SLC7A14: variants seen among roughly 807,000 people sequenced by gnomAD.
SLC7A14 encodes the protein solute carrier family 7 member 14.
A neutral mutation model predicts 60.2 loss-of-function variants in SLC7A14; 37 were observed. That is an observed-to-expected ratio of 0.61 (90% CI 0.47 to 0.81). The LOEUF (loss-of-function observed/expected upper bound fraction) is 0.81, where lower values mean the gene tolerates loss of function less well. Ranked by LOEUF, SLC7A14 falls within the 30% of genes least tolerant of loss-of-function variation. SLC7A14 has a pLI of 0.00. For missense variants in SLC7A14, 886 were observed against 982.7 expected, an observed-to-expected ratio of 0.90 and a Z score of 1.32; for synonymous variants, 399 against 395.8, an observed-to-expected ratio of 1.01 and a Z score of -0.10.
chr3:170,563,907 A>C (rs1714727640), intron 1 of SLC7A14, among the ~76,000 whole-genome samples: 1 of 152,208 alleles, frequency 6.6e-6, no homozygotes, highest in Admixed American at 6.5e-5. Flanking sequence ...CTGTGAACAC[A>C]CTACTGATAG....
chr3:170,473,828 T>C (rs1369967608), intron 7 of SLC7A14, among the ~76,000 whole-genome samples: 1 of 152,228 alleles, frequency 6.6e-6, no homozygotes, highest in Non-Finnish European at 1.5e-5. Context: ...GCTGATCTAA[T>C]GGGAAGTCAT....
Position 170,501,107 on chromosome 3 carries a change from A to G in SLC7A14, c.541+2T>C. The G allele has an allele frequency of 6.2e-7, 1 of 1,614,106 alleles. No individual in the cohort carries two copies. Among genetic ancestry groups the G allele is most frequent in the East Asian group, 2.2e-5 (1 of 44,890 alleles). On this transcript the variant is annotated splice_donor_variant, in intron 3 of 7. Coordinates refer to ENST00000231706, the MANE Select transcript of SLC7A14 (RefSeq NM_020949.3). LOFTEE classifies it high-confidence loss of function. The stretch of plus-strand genomic sequence containing the variant: ...GAGGGTAGGAGGATGTGGCAGTCTC[A>G]CCCAGGCCATTGAGGGTTCCCACGC...
intron 7 of SLC7A14, among the ~76,000 whole-genome samples, chr3:170,475,970 C>T (rs1313545414): frequency 6.6e-6 from 1 of 152,176 alleles, no homozygotes; most frequent in Non-Finnish European, 1.5e-5. Context: ...ACCTTGGCCT[C>T]CCAAAGTGCT....
chr3:170,540,418 G>A (rs1713987271), intron 1 of SLC7A14, among the ~76,000 whole-genome samples: 1 of 151,742 alleles, frequency 6.6e-6, no homozygotes, highest in Non-Finnish European at 1.5e-5. Flanking sequence ...CATAGAGGAT[G>A]CAACATAAAA....
rs553438612 is a variant in SLC7A14 at position 170,486,315 on chromosome 3, G to A, written c.813C>T (p.Ile271=). 4.0e-5 allele frequency: 64 copies of A among 1,614,214 alleles called. 1 individual carries two copies. Among genetic ancestry groups the A allele is most frequent in the South Asian group, 3.5e-4 (32 of 91,080 alleles). ...TCTTGGCTTCCTCTCCAGTGGTGGC[G>A]ATGATGTCAAAGCCAATGAAAGCGT... ...CFYAFIGFDI[I]ATTGEEAKNP... Residue 271 remains isoleucine, a synonymous_variant, in exon 5 of 8, where the codon ATC becomes ATT. Transcript: ENST00000231706.
chr3:170,536,015 G>T (rs970629746), intron 1 of SLC7A14, among the ~76,000 whole-genome samples: 1 of 152,148 alleles, frequency 6.6e-6, no homozygotes, highest in South Asian at 2.1e-4. Context: ...AACAATACCC[G>T]CTGTGTCTAC....
intron 1 of SLC7A14, 97 bp from the exon 2 acceptor site, chr3:170,527,185 A>C: frequency 1.8e-6 from 1 of 543,068 alleles, no homozygotes. Flanking sequence ...GAACTGGTAG[A>C]ACTGGTCTAC....
At chr3:170,540,518 C>T (rs563928831) in intron 1 of SLC7A14, among the ~76,000 whole-genome samples, 3 of 151,620 alleles carry the variant, frequency 2.0e-5, no homozygotes, top group Non-Finnish European at 4.4e-5. Flanking sequence ...GAATTTAAAA[C>T]GTTTTTGGAA....
chr3:170,483,058 G>A (rs530172339), intron 6 of SLC7A14, among the ~76,000 whole-genome samples: 9 of 152,210 alleles, frequency 5.9e-5, no homozygotes, highest in Admixed American at 1.3e-4. Context: ...AAAGGAGCAC[G>A]CAATGTCGAC....
rs1739639024 is a variant in SLC7A14, at chr3:170,463,002, T to C, written c.*4053A>G. 6.6e-6 allele frequency: 1 copy of C among 152,196 alleles called. No homozygotes were observed. The highest frequency in any genetic ancestry group is 2.4e-5 in the African/African-American group (1 of 41,448). The allele number at this position is 152,196 out of a possible 1,614,324, so 9.4% of individuals were successfully genotyped here. ...AGTGTATATGTGGCTTGTTAGTTCC[T>C]TGCATAGGTAAGGAAGCCACCGTCT... On this transcript the variant is annotated 3_prime_UTR_variant, in exon 8 of 8. Transcript: ENST00000231706.
chr3:170,508,965 C>A (rs1712875020), intron 2 of SLC7A14, among the ~76,000 whole-genome samples: 2 of 152,210 alleles, frequency 1.3e-5, no homozygotes, highest in South Asian at 4.1e-4. Flanking sequence ...TCCTGAGAAA[C>A]ATCTATCCAG....
At chr3:170,468,202 C>A (rs1270933945) in intron 7 of SLC7A14, among the ~76,000 whole-genome samples, 2 of 152,138 alleles carry the variant, frequency 1.3e-5, no homozygotes, top group South Asian at 2.1e-4. Context: ...AAACTTGCCC[C>A]CCTCGTTAAT....
rs1560272810 is a variant in SLC7A14, at chr3:170,535,183, G to T, written c.-152-8095C>A. Among the ~76,000 whole-genome samples, 2 of 151,842 alleles carry T rather than the reference G, an allele frequency of 1.3e-5. No individual in the cohort carries two copies. Among genetic ancestry groups the T allele is most frequent in the South Asian group, 2.1e-4 (1 of 4,806 alleles). On this transcript the variant is annotated intron_variant, in intron 1 of 7. Coordinates refer to ENST00000231706, the MANE Select transcript of SLC7A14 (RefSeq NM_020949.3). The surrounding 1 kb of genome is among the most constrained non-coding windows in gnomAD (Gnocchi z 4.3). ...TTCCACTCTTCTCCCGCAGATCAGG[G>T]TCTCCCAGGTTAGGGTCTCAGGTCT...
chr3:170,547,956 A>G (rs1367388669), intron 1 of SLC7A14, among the ~76,000 whole-genome samples: 1 of 152,174 alleles, frequency 6.6e-6, no homozygotes, highest in Non-Finnish European at 1.5e-5. Context: ...CCTTAGGCTA[A>G]GCTCCTTGGA....
intron 3 of SLC7A14, 114 bp downstream of exon 3, chr3:170,500,991 AAGAG>A (rs965274301): frequency 2.3e-6 from 2 of 860,754 alleles, no homozygotes; most frequent in Non-Finnish European, 3.8e-6. Flanking sequence ...GCAAAAGAAA[AAGAG>A]AGATATATTT....
chr3:170,488,614 T>C (rs913024274), intron 4 of SLC7A14, among the ~76,000 whole-genome samples: 1 of 152,218 alleles, frequency 6.6e-6, no homozygotes, highest in Non-Finnish European at 1.5e-5. Flanking sequence ...GTCTCTTCAG[T>C]AGATAGTGCT....
rs114114661 is a variant in SLC7A14 at position 170,518,234 on chromosome 3, C to G, written c.304+8399G>C. 4.6e-3 allele frequency among the ~76,000 whole-genome samples: 699 copies of G among 152,338 alleles called. 4 individuals are homozygous for G. The highest frequency in any genetic ancestry group is 0.016 in the African/African-American group (655 of 41,572). ...GGTGTGCTACACGCAAAGATGAGATCTAGACCCCTCGTGGTGTTCTGTGGT... is the reference window on the plus strand; with the variant it reads ...GGTGTGCTACACGCAAAGATGAGATGTAGACCCCTCGTGGTGTTCTGTGGT... On this transcript the variant is annotated intron_variant, in intron 2 of 7. Transcript: ENST00000231706.
chr3:170,507,954 A>G (rs56399006), intron 2 of SLC7A14, among the ~76,000 whole-genome samples: 18,262 of 152,184 alleles, frequency 0.12, 1,279 homozygotes, highest in East Asian at 0.19. Flanking sequence ...TCAGTTGCTC[A>G]TCAGAGTTGT....
At chr3:170,488,305 T>G (rs1233514704) in intron 4 of SLC7A14, among the ~76,000 whole-genome samples, 1 of 151,972 alleles carries the variant, frequency 6.6e-6, no homozygotes, top group Non-Finnish European at 1.5e-5. Flanking sequence ...ATGGCTACTT[T>G]CCAGAAGAAA....
Sources: allele counts gnomAD v4.1 joint callset (sites outside exome capture counted in the v4.1 genomes callset), GRCh38; gene constraint gnomAD v4.1.1; non-coding constraint Gnocchi (gnomAD v3.1); transcripts MANE v1.5; gene names NCBI Gene and HGNC (gene_info 2026-07-23, HGNC 2026-07-21).